LTF: variants seen among roughly 807,000 people sequenced by gnomAD.
LTF encodes the protein lactotransferrin.
LTF carries 91 observed loss-of-function variants against 87.2 expected under a neutral mutation model. The ratio of observed to expected loss-of-function variants is 1.04; its 90% CI spans 0.88 to 1.24. The LOEUF is 1.24. LTF is among the 50% of genes most tolerant of loss of function. The probability of loss-of-function intolerance (pLI) is 0.00; values close to 1 mark genes in which losing one functional copy is unlikely to be tolerated. For missense variants in LTF, 901 were observed against 904.3 expected (o/e 1.00, Z 0.05); for synonymous variants, 378 against 356.1 (o/e 1.06, Z -0.69).
chr3:46,458,669 G>A (rs1012585063), intron 2 of LTF, among the ~76,000 whole-genome samples: 9 of 152,170 alleles, frequency 5.9e-5, no homozygotes, highest in Admixed American at 2.0e-4. Context: ...CCCCCTCCCG[G>A]GTTCAAGTGA....
chr3:46,483,171 G>A (rs1008195366), intron 1 of LTF, among the ~76,000 whole-genome samples: 1 of 152,194 alleles, frequency 6.6e-6, no homozygotes, highest in Non-Finnish European at 1.5e-5. Flanking sequence ...AGGAATGCAA[G>A]GGAAAGGGAA....
rs182549114 is a variant in LTF at position 46,464,067 on chromosome 3, T to C, written c.43+758A>G. Among the ~76,000 whole-genome samples, 1,063 of 152,308 alleles carry C rather than the reference T, an allele frequency of 7.0e-3. 10 individuals are homozygous for C. The highest frequency in any genetic ancestry group is 0.019 in the South Asian group (92 of 4,830). Reference sequence around the variant, plus strand: ...AGGTCCTGATGCCCATCACAGCCCTTTCTGCTGCGGCCTGGGACCTTCCCC... The same window carrying C: ...AGGTCCTGATGCCCATCACAGCCCTCTCTGCTGCGGCCTGGGACCTTCCCC... On this transcript the variant is annotated intron_variant, in intron 1 of 16. Coordinates refer to ENST00000231751, the MANE Select transcript of LTF (RefSeq NM_002343.6).
At chr3:46,463,501 C>T (rs1703137372) in intron 1 of LTF, 2 of 985,626 alleles carry the variant, frequency 2.0e-6, no homozygotes, top group African/African-American at 1.7e-5. Flanking sequence ...CACAGGGCAA[C>T]TGCCACCCTT....
At chr3:46,476,594 A>AGAGTTT (rs1703361825) in intron 1 of LTF, among the ~76,000 whole-genome samples, 1 of 152,238 alleles carries the variant, frequency 6.6e-6, no homozygotes, top group Non-Finnish European at 1.5e-5. Context: ...CACAAATCAT[A>AGAGTTT]CATGTAGAGT....
chr3:46,439,369 A>G lies in LTF; in HGVS notation c.1835T>C (p.Met612Thr). 1 of 1,614,240 alleles carries G rather than the reference A, an allele frequency of 6.2e-7. No homozygotes were observed. The highest frequency in any genetic ancestry group is 8.5e-7 in the Non-Finnish European group (1 of 1,180,046). The change falls in exon 15 of 17, where the codon ATG becomes ACG. Residue 612 changes from methionine to threonine, a missense_variant. Transcript: ENST00000231751. ...VTEARSCHLA[M>T]APNHAVVSRM... ...AGACACCACGGCATGATTCGGGGCCATGGCAAGATGGCAGCTTCTAGCCTC... is the reference window on the plus strand; with the variant it reads ...AGACACCACGGCATGATTCGGGGCCGTGGCAAGATGGCAGCTTCTAGCCTC...
Position 46,446,567 on chromosome 3 carries a change from A to G in LTF, c.1304-74T>C, listed in dbSNP as rs1702660226. ...GAGAAGCCACAAACTCTTAAATCTC[A>G]ATGATGCAGAATCAAATCCAAAGAG... On this transcript the variant is annotated intron_variant, in intron 10 of 16. Transcript: ENST00000231751. 3 of 1,229,118 alleles carry G rather than the reference A, an allele frequency of 2.4e-6. No individual in the cohort carries two copies. In the Admixed American group the frequency reaches 5.4e-5, roughly 22 times the overall value. 76.1% of individuals were successfully genotyped at this position (1,229,118 alleles called of 1,614,324 possible).
rs13090610 is a variant in LTF at position 46,482,540 on chromosome 3, G to A, written c.-320+2446C>T. Among the ~76,000 whole-genome samples, 606 of 78,056 alleles carry A rather than the reference G, an allele frequency of 7.8e-3. 66 individuals are homozygous for A. Among genetic ancestry groups the A allele is most frequent in the East Asian group, 0.018 (51 of 2,788 alleles). 51.2% of individuals were successfully genotyped at this position (78,056 alleles called of 152,430 possible). ...GAAGGGAAGGGAAGGGAAGGGAAGG[G>A]AAGGGAAGGGAAGGGAAGGGAAGGG... On this transcript the variant is annotated intron_variant, in intron 1 of 19. Transcript: ENST00000443496.
chr3:46,437,472 C>T (rs1702412360), intron 16 of LTF, among the ~76,000 whole-genome samples: 2 of 151,976 alleles, frequency 1.3e-5, no homozygotes, highest in South Asian at 2.1e-4. Context: ...AGGTGCTTGA[C>T]ACCACACCAG....
chr3:46,473,647 T>C (rs1472819730), intron 1 of LTF, among the ~76,000 whole-genome samples: 1 of 152,218 alleles, frequency 6.6e-6, no homozygotes, highest in Non-Finnish European at 1.5e-5. Context: ...CTCCATTCTT[T>C]GGATCTGGGC....
intron 14 of LTF, among the ~76,000 whole-genome samples, chr3:46,440,978 T>A (rs1253889984): frequency 6.6e-6 from 1 of 152,246 alleles, no homozygotes; most frequent in African/African-American, 2.4e-5. Flanking sequence ...CACATGGGGA[T>A]GAATGAAGGC....
chr3:46,480,690 G>T (rs1255720954), intron 1 of LTF, among the ~76,000 whole-genome samples: 1 of 152,178 alleles, frequency 6.6e-6, no homozygotes, highest in African/African-American at 2.4e-5. Context: ...CCTCAAAAGG[G>T]TTTGTGTGCA....
In LTF at chr3:46,450,581, G is replaced by A. The variant is rs2106865666; in HGVS notation, c.796C>T (p.Leu266=). 2.5e-6 allele frequency: 4 copies of A among 1,614,170 alleles called. No individual in the cohort carries two copies. Among genetic ancestry groups the A allele is most frequent in the Non-Finnish European group, 3.4e-6 (4 of 1,180,028 alleles). ...ACGGCATGAGAAGGGACCCGGGCCA[G>A]ATGGCAGTCTTTGAACTTGTCCACT... ...KPVDKFKDCH[L]ARVPSHAVVA... is the part of the protein sequence containing the mutation. Residue 266 remains leucine, a synonymous_variant, in exon 7 of 17, where the codon CTG becomes TTG. Transcript: ENST00000231751.
rs762289355 is a variant in LTF at position 46,459,656 on chromosome 3, C to T, written c.207G>A (p.Ala69=). ...DSPIQCIQAI[A]ENRADAVTLD... Reference sequence around the variant, plus strand: ...CAACCAACACCCGGCATTGACTCACCGCAATGGCCTGGATACACTGGATGG... The same window carrying T: ...CAACCAACACCCGGCATTGACTCACTGCAATGGCCTGGATACACTGGATGG... Residue 69 remains alanine (A), a splice_region_variant and synonymous_variant, in exon 2 of 17, where the codon GCG becomes GCA. Transcript: ENST00000231751. The T allele has an allele frequency of 7.6e-6, 11 of 1,455,528 alleles. No individual in the cohort carries two copies. The Admixed American group carries it at 1.0e-4, about 13-fold the overall frequency. 90.2% of individuals were successfully genotyped at this position (1,455,528 alleles called of 1,614,324 possible). A position where few individuals can be genotyped will look rare whatever the true frequency, so the allele number is the denominator to read the frequency against.
intron 6 of LTF, among the ~76,000 whole-genome samples, chr3:46,453,767 G>A (rs1224715168): frequency 6.6e-6 from 1 of 152,206 alleles, no homozygotes; most frequent in African/African-American, 2.4e-5. Flanking sequence ...ACAGGTGAAG[G>A]TATCAGTCGT....
In LTF at chr3:46,482,644, GA is replaced by G. The variant is rs1559614767; in HGVS notation, c.-320+2341del. Among the ~76,000 whole-genome samples, 234 of 96,482 alleles carry G rather than the reference GA, an allele frequency of 2.4e-3. 3 individuals are homozygous for G. Among genetic ancestry groups the G allele is most frequent in the Middle Eastern group, 4.6e-3 (1 of 216 alleles). 63.3% of individuals were successfully genotyped at this position (96,482 alleles called of 152,430 possible). On this transcript the variant is annotated intron_variant, in intron 1 of 19. Transcript: ENST00000443496. Reference sequence around the variant, plus strand: ...AGAAAGAAAGAAAGAAAGAAAGAAAGAAAGAAAGAAAGAAAGAAGGAAGGAA... The same window carrying G: ...AGAAAGAAAGAAAGAAAGAAAGAAAGAAGAAAGAAAGAAAGAAGGAAGGAA...
intron 2 of LTF, among the ~76,000 whole-genome samples, chr3:46,459,089 G>A (rs1320058082): frequency 2.0e-5 from 3 of 152,170 alleles, no homozygotes; most frequent in Non-Finnish European, 4.4e-5. Flanking sequence ...TATATTTGTT[G>A]AATGAATGAG....
intron 2 of LTF, 43 bp from the exon 3 acceptor site, chr3:46,456,441 C>T (rs1444570236): frequency 1.9e-6 from 3 of 1,543,112 alleles, no homozygotes; most frequent in Admixed American, 1.7e-5. Context: ...GAAAACTCAC[C>T]CAAACCCAGC....
intron 13 of LTF, among the ~76,000 whole-genome samples, chr3:46,443,151 C>A (rs1702563086): frequency 6.6e-6 from 1 of 152,202 alleles, no homozygotes; most frequent in African/African-American, 2.4e-5. Flanking sequence ...ACACTCTACC[C>A]ATTTGATTTT....
In LTF at chr3:46,448,923, G is replaced by A. The variant is rs138970012; in HGVS notation, c.1152C>T (p.Ser384=). The A allele has an allele frequency of 5.0e-6, 8 of 1,613,482 alleles. No homozygotes were observed. The highest frequency in any genetic ancestry group is 3.3e-5 in the South Asian group (3 of 91,042). The change falls in exon 9 of 17, where the codon AGC becomes AGT. Residue 384 remains serine, a synonymous_variant. Coordinates refer to ENST00000231751, the MANE Select transcript of LTF (RefSeq NM_002343.6). ...LRKCNQWSGL[S]EGSVTCSSAS... is the part of the protein sequence containing the mutation. ...CCGAGGAGCAGGTCACGCTGCCTTC[G>A]CTCAAGCCACTCCACTGGTTACACT... is the stretch of plus-strand genomic sequence containing the variant.
Sources: gnomAD v4.1 joint callset for allele counts (sites outside exome capture counted in the v4.1 genomes callset) on GRCh38, gnomAD v4.1.1 for gene constraint, MANE v1.5 for transcripts, NCBI Gene and HGNC (gene_info 2026-07-23, HGNC 2026-07-21) for gene names.